Variants in PLPPR5 observed in about 807,000 individuals in gnomAD.
PLPPR5 encodes the protein phospholipid phosphatase related 5.
Under a neutral mutation model 33.9 loss-of-function variants are expected in PLPPR5, and 16 were observed. The observed-to-expected ratio is 0.47, with a 90% CI of 0.32 to 0.72. The LOEUF (loss-of-function observed/expected upper bound fraction) is 0.72. Among genes scored for constraint, PLPPR5 ranks in the 30% least tolerant of loss-of-function variants. The probability of loss-of-function intolerance (pLI) is 0.03; values close to 1 mark genes in which losing one functional copy is unlikely to be tolerated. For synonymous variants in PLPPR5, 163 were observed against 150.3 expected (o/e 1.08, Z -0.62); for missense variants, 301 against 406.7 (o/e 0.74, Z 2.23).
At chr1:98,967,172 A>G (rs1370703751) in intron 1 of PLPPR5, among the ~76,000 whole-genome samples, 3 of 152,172 alleles carry the variant, frequency 2.0e-5, no homozygotes, top group Non-Finnish European at 4.4e-5. Context: ...GGATGGGACT[A>G]TAGAAAGAGA....
At chr1:98,925,274 G>A (rs990385943) in intron 3 of PLPPR5, among the ~76,000 whole-genome samples, 9 of 152,118 alleles carry the variant, frequency 5.9e-5, no homozygotes, top group African/African-American at 2.2e-4. Flanking sequence ...AATACAAACA[G>A]CAGGGTGTGT....
intron 1 of PLPPR5, among the ~76,000 whole-genome samples, chr1:98,990,562 G>A (rs369651932): frequency 3.5e-4 from 54 of 152,256 alleles, no homozygotes; most frequent in African/African-American, 1.2e-3. Context: ...AATGATGAGT[G>A]TGTGAAATAT....
At chr1:98,973,010 T>C (rs75306198) in intron 1 of PLPPR5, among the ~76,000 whole-genome samples, 4,909 of 152,130 alleles carry the variant, frequency 0.032, 110 homozygotes, top group East Asian at 0.046. Context: ...CAGCCCAGGG[T>C]AGAACAGACA....
At chr1:98,991,604 ACAGT>A (rs1652453244) in intron 1 of PLPPR5, among the ~76,000 whole-genome samples, 1 of 152,326 alleles carries the variant, frequency 6.6e-6, no homozygotes, top group South Asian at 2.1e-4. Context: ...CAAGAAAAGA[ACAGT>A]CAGAGAACTG....
At chr1:98,907,071 GT>G (rs1463316553) in intron 5 of PLPPR5, among the ~76,000 whole-genome samples, 1 of 151,434 alleles carries the variant, frequency 6.6e-6, no homozygotes, top group Non-Finnish European at 1.5e-5. Context: ...GGCATTATTT[GT>G]TTTCTTATAT....
intron 4 of PLPPR5, among the ~76,000 whole-genome samples, chr1:98,915,211 T>C (rs569684000): frequency 6.6e-6 from 1 of 152,200 alleles, no homozygotes. Flanking sequence ...CATCGAAGTA[T>C]AGTCAATGCT....
At chr1:98,922,624 T>C (rs754470714) in intron 3 of PLPPR5, among the ~76,000 whole-genome samples, 21 of 152,234 alleles carry the variant, frequency 1.4e-4, no homozygotes, top group Admixed American at 3.3e-4. Context: ...GTTGCTTTCA[T>C]GTTGTTAAAT....
rs1223476819 is a variant in PLPPR5, at chr1:98,921,742, ATTTGT to A, written c.798+135_798+139del. ...GAGGAAGAAATGAATGACTTAAATG[ATTTGT>A]TTTATATACTTAAATGAATGATTTG... On this transcript the variant is annotated intron_variant, in intron 4 of 5. Transcript: ENST00000263177. 12 of 662,220 alleles carry A rather than the reference ATTTGT, an allele frequency of 1.8e-5. No individual in the cohort carries two copies. In the East Asian group the frequency reaches 2.0e-4, roughly 11 times the overall value. 41.0% of individuals were successfully genotyped at this position (662,220 alleles called of 1,614,324 possible). A position where few individuals can be genotyped will look rare whatever the true frequency, so the allele number is the denominator to read the frequency against.
At position 98,953,822 on chromosome 1, in the gene PLPPR5, C is replaced by A. The variant is rs985755510; in HGVS notation, c.371-502G>T. ...CTGGAGGTGCCAATTAGCAGTAAAT[C>A]CAGTACCATCAGTTTTCATTTAAAT... On this transcript the variant is annotated intron_variant, in intron 2 of 5. Transcript: ENST00000263177. Among the ~76,000 whole-genome samples the A allele has an allele frequency of 2.6e-5, 4 of 152,290 alleles. 1 individual carries two copies. The highest frequency in any genetic ancestry group is 5.9e-5 in the Non-Finnish European group (4 of 68,016).
rs189609781 is a variant in PLPPR5, at chr1:98,893,453, C to A, written c.934-349G>T. Among the ~76,000 whole-genome samples, 354 of 151,946 alleles carry A rather than the reference C, an allele frequency of 2.3e-3. 1 individual carries two copies. Among genetic ancestry groups the A allele is most frequent in the African/African-American group, 8.1e-3 (336 of 41,484 alleles). On this transcript the variant is annotated intron_variant, in intron 5 of 5. Coordinates refer to ENST00000263177, the MANE Select transcript of PLPPR5 (RefSeq NM_001037317.2). The stretch of plus-strand genomic sequence containing the variant: ...ATGTTGGAGTTTCAGATTAATTGCT[C>A]CCTGAGAGACAGATGGTGTAGAATG...
At chr1:98,988,875 T>G (rs754313427) in intron 1 of PLPPR5, among the ~76,000 whole-genome samples, 7 of 152,140 alleles carry the variant, frequency 4.6e-5, no homozygotes, top group Non-Finnish European at 8.8e-5. Flanking sequence ...ATATTGGATT[T>G]GACATGCCAA....
At chr1:98,914,138 T>TA (rs1649253538) in intron 5 of PLPPR5, among the ~76,000 whole-genome samples, 1 of 152,242 alleles carries the variant, frequency 6.6e-6, no homozygotes, top group South Asian at 2.1e-4. Context: ...ATATATTTTG[T>TA]AAAAAATGCA....
intron 5 of PLPPR5, 87 bp from the exon 6 acceptor site, chr1:98,893,191 G>T: frequency 8.1e-7 from 1 of 1,238,052 alleles, no homozygotes; most frequent in Non-Finnish European, 1.1e-6. Context: ...ATAATCATTA[G>T]CTTATATGCT....
chr1:98,922,433 G>A (rs1281854531), intron 3 of PLPPR5, among the ~76,000 whole-genome samples: 1 of 151,992 alleles, frequency 6.6e-6, no homozygotes, highest in Non-Finnish European at 1.5e-5. Context: ...TATTAGCAGG[G>A]GGAAGCTGTT....
chr1:98,967,703 T>C (rs1651498702), intron 1 of PLPPR5, among the ~76,000 whole-genome samples: 1 of 152,074 alleles, frequency 6.6e-6, no homozygotes, highest in African/African-American at 2.4e-5. Flanking sequence ...GGGGCTGTTG[T>C]GAGGTTATTG....
chr1:98,892,874 G>GC lies in PLPPR5; in HGVS notation c.*197_*198insG. ...CTTTGTTGTAAGTGCTGGGGACACAGAAAAAAAAAGACAATCCTGCCCTCG... is the reference window on the plus strand; with the variant it reads ...CTTTGTTGTAAGTGCTGGGGACACAGCAAAAAAAAAGACAATCCTGCCCTCG... On this transcript the variant is annotated 3_prime_UTR_variant, in exon 6 of 6. Coordinates refer to ENST00000263177, the MANE Select transcript of PLPPR5 (RefSeq NM_001037317.2). 1 of 536,904 alleles carries GC rather than the reference G, an allele frequency of 1.9e-6. No homozygotes were observed. The highest frequency in any genetic ancestry group is 2.6e-5 in the South Asian group (1 of 38,598). 33.3% of individuals were successfully genotyped at this position (536,904 alleles called of 1,614,324 possible).
intron 1 of PLPPR5, among the ~76,000 whole-genome samples, chr1:98,999,891 C>T (rs1311651760): frequency 1.3e-5 from 2 of 152,172 alleles, no homozygotes; most frequent in South Asian, 2.1e-4. Context: ...TCAAACCTGC[C>T]GTGCTCAGTG....
intron 1 of PLPPR5, among the ~76,000 whole-genome samples, chr1:98,968,056 TG>T (rs1359902632): frequency 1.3e-5 from 2 of 152,086 alleles, no homozygotes; most frequent in Non-Finnish European, 2.9e-5. Flanking sequence ...TCTTTTTAAA[TG>T]ACAAAAAGCT....
intron 1 of PLPPR5, among the ~76,000 whole-genome samples, chr1:98,976,012 G>A (rs2100747873): frequency 6.7e-6 from 1 of 150,252 alleles, no homozygotes; most frequent in Non-Finnish European, 1.5e-5. Context: ...ATAGAGTCAA[G>A]GCAGTTGTGG....
Sources: gnomAD v4.1 joint callset for allele counts (sites outside exome capture counted in the v4.1 genomes callset) on GRCh38, gnomAD v4.1.1 for gene constraint, MANE v1.5 for transcripts, NCBI Gene and HGNC (gene_info 2026-07-23, HGNC 2026-07-21) for gene names.